The following PIGB variants were observed in gnomAD, a reference collection of about 807,000 sequenced individuals.
PIGB encodes the protein phosphatidylinositol glycan anchor biosynthesis class B.
A neutral mutation model predicts 68.4 loss-of-function variants in PIGB; 58 were observed. That is an observed-to-expected ratio of 0.85 (90% CI 0.69 to 1.06). PIGB has a LOEUF of 1.06. Ranked by LOEUF, PIGB falls within the 50% of genes least tolerant of loss-of-function variation. The probability of loss-of-function intolerance (pLI) is 0.00; values close to 1 mark genes in which losing one functional copy is unlikely to be tolerated. For synonymous variants in PIGB, 219 were observed against 220.5 expected, an observed-to-expected ratio of 0.99 and a Z score of 0.06; for missense variants, 634 against 655.8, an observed-to-expected ratio of 0.97 and a Z score of 0.36.
intron 6 of PIGB, among the ~76,000 whole-genome samples, chr15:55,336,098 T>C (rs989678680): frequency 6.6e-6 from 1 of 152,148 alleles, no homozygotes. Flanking sequence ...GATAAACTCA[T>C]TGCAGGTTGA....
rs907481652 is a variant in PIGB, at chr15:55,354,067, T to G, written c.1338-731T>G. Among the ~76,000 whole-genome samples the G allele has an allele frequency of 2.7e-5, 4 of 150,622 alleles. No homozygotes were observed. The South Asian group carries it at 8.4e-4, about 32-fold the overall frequency. On this transcript the variant is annotated intron_variant, in intron 10 of 11. Coordinates refer to ENST00000164305, the MANE Select transcript of PIGB (RefSeq NM_004855.5). ...TGGCTCACACCTGTAATCCCAGCAC[T>G]TTGGAAGGCTGAGGCGGGTGGATCA...
intron 6 of PIGB, among the ~76,000 whole-genome samples, chr15:55,337,739 T>C (rs2055570080): frequency 6.6e-6 from 1 of 152,172 alleles, no homozygotes; most frequent in Non-Finnish European, 1.5e-5. Flanking sequence ...AGAATGTTCA[T>C]TGCAGCACTA....
intron 9 of PIGB, chr15:55,343,209 C>G (rs2055711798): frequency 1.3e-5 from 2 of 152,160 alleles, no homozygotes; most frequent in African/African-American, 4.8e-5. Context: ...CTCAGTCTGT[C>G]ATTACTTTAC....
chr15:55,352,775 C>T (rs910454611), intron 10 of PIGB, among the ~76,000 whole-genome samples: 1 of 152,142 alleles, frequency 6.6e-6, no homozygotes, highest in Non-Finnish European at 1.5e-5. Context: ...TAAATAAATA[C>T]ATAAAATCTA....
Position 55,329,120 on chromosome 15 carries a change from T to G in PIGB, c.523-604T>G, listed in dbSNP as rs79938451. On this transcript the variant is annotated intron_variant, in intron 4 of 11. Coordinates refer to ENST00000164305, the MANE Select transcript of PIGB (RefSeq NM_004855.5). ...TAACAAGTTTCTTTTAACACATTTG[T>G]TTTGTAGACTTAATGGTGCTCTGTG... is the stretch of plus-strand genomic sequence containing the variant. Among the ~76,000 whole-genome samples, 81 of 152,126 alleles carry G rather than the reference T, an allele frequency of 5.3e-4. 2 individuals are homozygous for G. The East Asian group carries it at 0.015, about 28-fold the overall frequency.
At chr15:55,335,686 A>C (rs1415209176) in intron 6 of PIGB, among the ~76,000 whole-genome samples, 2 of 152,164 alleles carry the variant, frequency 1.3e-5, no homozygotes, top group African/African-American at 4.8e-5. Flanking sequence ...CTGGAGCCAA[A>C]ACTTAAAGGA....
chr15:55,323,471 A>T (rs1055830393), intron 3 of PIGB, among the ~76,000 whole-genome samples: 1 of 152,194 alleles, frequency 6.6e-6, no homozygotes, highest in Non-Finnish European at 1.5e-5. Flanking sequence ...AAAAATTTTT[A>T]AAAAGGATAG....
At chr15:55,342,135 A>G (rs2055685293) in intron 9 of PIGB, among the ~76,000 whole-genome samples, 1 of 152,128 alleles carries the variant, frequency 6.6e-6, no homozygotes, top group Non-Finnish European at 1.5e-5. Context: ...AAAAACAGAC[A>G]AACAAAAAAC....
chr15:55,346,148 A>T (rs761747921), intron 9 of PIGB, among the ~76,000 whole-genome samples: 9 of 152,224 alleles, frequency 5.9e-5, no homozygotes, highest in Non-Finnish European at 1.2e-4. Context: ...ATGCCACGCT[A>T]GATATCCAAA....
intron 9 of PIGB, among the ~76,000 whole-genome samples, chr15:55,347,409 A>G (rs1420628191): frequency 2.6e-5 from 4 of 152,244 alleles, no homozygotes; most frequent in South Asian, 4.1e-4. Context: ...GCCTGGGCGA[A>G]AGAGCGAGAG....
chr15:55,323,730 G>A (rs2055215987), intron 3 of PIGB, among the ~76,000 whole-genome samples: 1 of 152,130 alleles, frequency 6.6e-6, no homozygotes, highest in Non-Finnish European at 1.5e-5. Context: ...TGGATTTGGG[G>A]GTCATCTCTG....
intron 3 of PIGB, among the ~76,000 whole-genome samples, chr15:55,326,217 C>T (rs890231268): frequency 2.7e-5 from 4 of 148,784 alleles, no homozygotes; most frequent in African/African-American, 7.4e-5. Context: ...AAGACTCCGT[C>T]TCAAAAAAAA....
chr15:55,323,395 G>A (rs1196160746), intron 3 of PIGB, among the ~76,000 whole-genome samples: 1 of 152,132 alleles, frequency 6.6e-6, no homozygotes, highest in African/African-American at 2.4e-5. Flanking sequence ...GGCTGAGGTG[G>A]GAGGATTGCT....
intron 10 of PIGB, among the ~76,000 whole-genome samples, chr15:55,351,171 G>C (rs1264448393): frequency 6.7e-6 from 1 of 148,656 alleles, no homozygotes; most frequent in African/African-American, 2.5e-5. Context: ...GCAGTGGCGC[G>C]ATCTCGGCTC....
At chr15:55,346,199 A>T (rs1371756324) in intron 9 of PIGB, 1 of 152,246 alleles carries the variant, frequency 6.6e-6, no homozygotes, top group Non-Finnish European at 1.5e-5. Context: ...ATACATGATG[A>T]TTAAGAGATA....
At chr15:55,319,504 T>G (rs2055112926) in intron 1 of PIGB, 91 bp downstream of exon 1, 6 of 900,472 alleles carry the variant, frequency 6.7e-6, no homozygotes, top group Non-Finnish European at 9.7e-6. Flanking sequence ...CGTTGAGCTC[T>G]GTGTTGCCAG....
chr15:55,342,287 A>C (rs561030101), intron 9 of PIGB, among the ~76,000 whole-genome samples: 1 of 152,220 alleles, frequency 6.6e-6, no homozygotes, highest in Non-Finnish European at 1.5e-5. Flanking sequence ...AAGGGTCTTC[A>C]TTTTCACAAA....
intron 3 of PIGB, among the ~76,000 whole-genome samples, chr15:55,325,413 T>C (rs1414999753): frequency 6.6e-6 from 1 of 152,230 alleles, no homozygotes; most frequent in Non-Finnish European, 1.5e-5. Flanking sequence ...GATTAAATTG[T>C]GCTCTACCAG....
intron 1 of PIGB, 157 bp downstream of exon 1, chr15:55,319,570 C>A: frequency 1.7e-6 from 1 of 594,370 alleles, no homozygotes; most frequent in African/African-American, 1.9e-5. Context: ...AATATAAATT[C>A]TGATTTTTAA....
Sources: allele counts gnomAD v4.1 joint callset (sites outside exome capture counted in the v4.1 genomes callset), GRCh38; gene constraint gnomAD v4.1.1; transcripts MANE v1.5; gene names NCBI Gene and HGNC (gene_info 2026-07-23, HGNC 2026-07-21).